FGGY: variants seen among roughly 807,000 people sequenced by gnomAD.
FGGY encodes FGGY carbohydrate kinase domain containing.
A neutral mutation model predicts 71.3 loss-of-function variants in FGGY; 72 were observed. That is an observed-to-expected ratio of 1.01 (90% confidence interval 0.84 to 1.23). The LOEUF is 1.23. Ranked by LOEUF, FGGY falls within the 50% of genes most tolerant of loss-of-function variation. FGGY has a pLI of 0.00. For missense variants in FGGY, 668 were observed against 682.3 expected, an observed-to-expected ratio of 0.98 and a Z score of 0.23; for synonymous variants, 251 against 250.3, an observed-to-expected ratio of 1.00 and a Z score of -0.02.
At chr1:59,536,754 A>G (rs2095326268) in intron 7 of FGGY, among the ~76,000 whole-genome samples, 2 of 152,238 alleles carry the variant, frequency 1.3e-5, no homozygotes, top group South Asian at 2.1e-4. Context: ...CAAAAACCAC[A>G]TGATTATCTC....
intron 11 of FGGY, among the ~76,000 whole-genome samples, chr1:59,658,962 C>T (rs765930787): frequency 6.6e-6 from 1 of 152,214 alleles, no homozygotes; most frequent in African/African-American, 2.4e-5. Flanking sequence ...TGGTTCACAA[C>T]TGTAATCCCA....
chr1:59,351,175 T>C (rs1288946714), intron 4 of FGGY, among the ~76,000 whole-genome samples: 1 of 152,226 alleles, frequency 6.6e-6, no homozygotes, highest in Non-Finnish European at 1.5e-5. Context: ...TTTATGTCTG[T>C]TTTCACACTA....
At chr1:59,611,478 C>A (rs2096677823) in intron 9 of FGGY, among the ~76,000 whole-genome samples, 1 of 152,110 alleles carries the variant, frequency 6.6e-6, no homozygotes, top group African/African-American at 2.4e-5. Flanking sequence ...GAAAGGACAT[C>A]CACACCAAAA....
intron 4 of FGGY, among the ~76,000 whole-genome samples, chr1:59,362,614 A>G (rs1444060164): frequency 6.6e-6 from 1 of 152,070 alleles, no homozygotes; most frequent in African/African-American, 2.4e-5. Context: ...ACTGACCTCC[A>G]TCCCATCTTC....
At chr1:59,545,502 A>G (rs892149143) in intron 7 of FGGY, among the ~76,000 whole-genome samples, 2 of 152,220 alleles carry the variant, frequency 1.3e-5, no homozygotes, top group Non-Finnish European at 2.9e-5. Context: ...ATAATGTCCA[A>G]GTAATCTAGA....
intron 14 of FGGY, among the ~76,000 whole-genome samples, chr1:59,684,790 C>T (rs1396412047): frequency 2.0e-5 from 3 of 152,174 alleles, no homozygotes; most frequent in African/African-American, 7.2e-5. Context: ...GCTGTGTGAA[C>T]ACACCTGGCT....
chr1:59,661,692 TGTTTTG>T (rs2097275341), intron 12 of FGGY, among the ~76,000 whole-genome samples: 1 of 143,038 alleles, frequency 7.0e-6, no homozygotes, highest in Non-Finnish European at 1.6e-5. Flanking sequence ...ATTAAGAGGG[TGTTTTG>T]TTTTTGTTTT....
intron 11 of FGGY, among the ~76,000 whole-genome samples, chr1:59,641,107 A>G (rs2097021321): frequency 6.6e-6 from 1 of 150,954 alleles, no homozygotes; most frequent in Non-Finnish European, 1.5e-5. Context: ...TGAAGCTGGG[A>G]AGGGGGTTTG....
chr1:59,674,289 A>G (rs1023307568), intron 14 of FGGY, among the ~76,000 whole-genome samples, 156 bp downstream of exon 14: 1 of 152,144 alleles, frequency 6.6e-6, no homozygotes, highest in Non-Finnish European at 1.5e-5. Flanking sequence ...AGCCTCAGAC[A>G]TATTTATTGC....
intron 11 of FGGY, among the ~76,000 whole-genome samples, chr1:59,639,264 A>G (rs2096993690): frequency 6.6e-6 from 1 of 152,168 alleles, no homozygotes; most frequent in Admixed American, 6.5e-5. Flanking sequence ...AAACTACTAC[A>G]ATTTTGTGGT....
chr1:59,429,383 GA>G (rs768546112), intron 5 of FGGY, among the ~76,000 whole-genome samples: 56 of 152,164 alleles, frequency 3.7e-4, no homozygotes, highest in Middle Eastern at 6.8e-3. Context: ...TTTCCCTCTT[GA>G]TTTTTTTGCT....
chr1:59,413,834 G>A (rs552495697), intron 5 of FGGY, among the ~76,000 whole-genome samples: 15 of 152,264 alleles, frequency 9.9e-5, no homozygotes, highest in Admixed American at 3.3e-4. Context: ...GGTGGCACAT[G>A]CCTGTAGTCC....
At chr1:59,435,495 C>A (rs867578864) in intron 5 of FGGY, among the ~76,000 whole-genome samples, 1 of 152,152 alleles carries the variant, frequency 6.6e-6, no homozygotes, top group Non-Finnish European at 1.5e-5. Context: ...CCTCTCTTGC[C>A]AGCCTTGCCC....
chr1:59,342,978 G>A (rs1428103800), intron 3 of FGGY, among the ~76,000 whole-genome samples: 1 of 152,160 alleles, frequency 6.6e-6, no homozygotes, highest in Non-Finnish European at 1.5e-5. Flanking sequence ...CAGCAGCACA[G>A]TTGCTGAATG....
At chr1:59,443,534 T>C (rs1051022929) in intron 5 of FGGY, among the ~76,000 whole-genome samples, 3 of 152,184 alleles carry the variant, frequency 2.0e-5, no homozygotes, top group African/African-American at 7.2e-5. Flanking sequence ...TTACCGATTA[T>C]GCACACTTTA....
chr1:59,650,255 G>T lies in FGGY; in HGVS notation c.1222-9964G>T, dbSNP rs1413822237. Among the ~76,000 whole-genome samples, 15 of 145,430 alleles carry T rather than the reference G, an allele frequency of 1.0e-4. No individual in the cohort carries two copies. The South Asian group carries it at 2.7e-3, about 27-fold the overall frequency. On this transcript the variant is annotated intron_variant, in intron 11 of 15. Transcript: ENST00000303721. ...TGCCAGGGTTTGGTATCAGGATGAT[G>T]CTGGCCTCATAAAATGCGTTAGGGA...
chr1:59,625,618 A>G (rs188229245), intron 9 of FGGY, among the ~76,000 whole-genome samples: 3 of 152,270 alleles, frequency 2.0e-5, no homozygotes, highest in African/African-American at 7.2e-5. Flanking sequence ...AGAAGGGGAA[A>G]TGATGTGATC....
chr1:59,746,484 G>A (rs1573976607), intron 14 of FGGY, among the ~76,000 whole-genome samples: 1 of 151,340 alleles, frequency 6.6e-6, no homozygotes, highest in Admixed American at 6.6e-5. Context: ...TATAAAATAG[G>A]TATTAAAACT....
intron 6 of FGGY, among the ~76,000 whole-genome samples, chr1:59,501,885 G>A (rs906952324): frequency 2.6e-5 from 4 of 152,054 alleles, no homozygotes; most frequent in South Asian, 4.1e-4. Context: ...TTGTAAGCTC[G>A]GCCAGAATGA....
Sources: gnomAD v4.1 joint callset for allele counts (sites outside exome capture counted in the v4.1 genomes callset) on GRCh38, gnomAD v4.1.1 for gene constraint, MANE v1.5 for transcripts, NCBI Gene and HGNC (gene_info 2026-07-23, HGNC 2026-07-21) for gene names.